Variants in DNAJB4 observed in about 807,000 individuals in gnomAD.
DNAJB4 encodes DnaJ heat shock protein family (Hsp40) member B4.
A neutral mutation model predicts 26.6 loss-of-function variants in DNAJB4; 10 were observed. The observed-to-expected ratio is 0.38, with a 90% CI of 0.23 to 0.64. The LOEUF is 0.64. Ranked by LOEUF, DNAJB4 falls within the 30% of genes least tolerant of loss-of-function variation. The probability of loss-of-function intolerance (pLI) is 0.58; values close to 1 mark genes in which losing one functional copy is unlikely to be tolerated. For missense variants in DNAJB4, 328 were observed against 408.2 expected (o/e 0.80, Z 1.69); for synonymous variants, 136 against 134.8 (o/e 1.01, Z -0.06).
upstream of DNAJB4, among the ~76,000 whole-genome samples, chr1:78,000,657 G>A (rs2102601042): frequency 6.6e-6 from 1 of 152,252 alleles, no homozygotes; most frequent in Non-Finnish European, 1.5e-5. Context: ...AATTATTGGG[G>A]AATGGAGGTC....
chr1:78,001,670 G>C (rs1660197978), upstream of DNAJB4, among the ~76,000 whole-genome samples: 2 of 152,130 alleles, frequency 1.3e-5, no homozygotes, highest in African/African-American at 4.8e-5. Context: ...TGGTTAAAAT[G>C]CTATCTTAAT....
At chr1:77,993,024 T>C (rs1232797366) in intron 1 of DNAJB4, among the ~76,000 whole-genome samples, 2 of 152,146 alleles carry the variant, frequency 1.3e-5, no homozygotes, top group African/African-American at 4.8e-5. Context: ...GCGCCCGGCC[T>C]ATTTCTGAGT....
At chr1:78,009,049 T>G (rs116244564) in intron 1 of DNAJB4, among the ~76,000 whole-genome samples, 2,522 of 152,264 alleles carry the variant, frequency 0.017, 21 homozygotes, top group Non-Finnish European at 0.027. Flanking sequence ...AAACTTGTAT[T>G]TATTAATCTT....
At chr1:78,001,719 G>A (rs191171890), upstream of DNAJB4, among the ~76,000 whole-genome samples, 82 of 152,248 alleles carry the variant, frequency 5.4e-4, no homozygotes, top group Non-Finnish European at 7.9e-4. Flanking sequence ...GTAGAGATAA[G>A]GTCTCATTAT....
At chr1:78,011,183 G>A (rs1472471129) in intron 1 of DNAJB4, among the ~76,000 whole-genome samples, 1 of 152,074 alleles carries the variant, frequency 6.6e-6, no homozygotes, top group East Asian at 1.9e-4. Flanking sequence ...ATCTTTTGTG[G>A]GTTAAATATT....
chr1:77,998,919 A>AT (rs980130845), intron 1 of DNAJB4, among the ~76,000 whole-genome samples: 1 of 152,056 alleles, frequency 6.6e-6, no homozygotes, highest in Non-Finnish European at 1.5e-5. Flanking sequence ...AAATTTCCCT[A>AT]TTTTTCCCCT....
At chr1:78,004,620 A>G (rs559967271), upstream of DNAJB4, 1 of 154,042 alleles carries the variant, frequency 6.5e-6, no homozygotes, top group East Asian at 1.9e-4. Context: ...AGGGTGTTTA[A>G]TGACTGTGAT....
chr1:77,990,929 T>C (rs1210291119), intron 1 of DNAJB4, among the ~76,000 whole-genome samples: 1 of 152,172 alleles, frequency 6.6e-6, no homozygotes, highest in Non-Finnish European at 1.5e-5. Context: ...GTTCTAGAAA[T>C]AAAACAGGAC....
chr1:77,987,133 C>T (rs1659810003), intron 1 of DNAJB4, among the ~76,000 whole-genome samples: 1 of 152,188 alleles, frequency 6.6e-6, no homozygotes, highest in African/African-American at 2.4e-5. Context: ...GGAGAGGCCC[C>T]ACTTTCCTAG....
At chr1:77,986,359 G>A (rs1039943981) in intron 1 of DNAJB4, among the ~76,000 whole-genome samples, 2 of 152,144 alleles carry the variant, frequency 1.3e-5, no homozygotes, top group Non-Finnish European at 2.9e-5. Flanking sequence ...TCTTCATCCA[G>A]ACAACTCAAA....
intron 1 of DNAJB4, among the ~76,000 whole-genome samples, chr1:77,982,904 T>C (rs1451810912): frequency 2.0e-5 from 3 of 152,162 alleles, no homozygotes; most frequent in Non-Finnish European, 2.9e-5. Flanking sequence ...AATGTAGGGG[T>C]GGGTTGCCCC....
chr1:78,002,812 C>T (rs908996789), upstream of DNAJB4, among the ~76,000 whole-genome samples: 1 of 152,066 alleles, frequency 6.6e-6, no homozygotes, highest in Non-Finnish European at 1.5e-5. Context: ...TTTACAATTA[C>T]GATTCTTATG....
intron 1 of DNAJB4, among the ~76,000 whole-genome samples, chr1:77,989,797 G>A (rs1659889843): frequency 6.6e-6 from 1 of 152,196 alleles, no homozygotes; most frequent in Non-Finnish European, 1.5e-5. Context: ...ATGCAACACT[G>A]TCAAGTTAGG....
chr1:78,009,077 G>A (rs1302408919), intron 1 of DNAJB4, among the ~76,000 whole-genome samples: 1 of 151,756 alleles, frequency 6.6e-6, no homozygotes, highest in African/African-American at 2.4e-5. Context: ...GTTCTCTTCT[G>A]TTCTTTAACT....
chr1:77,999,527 C>G (rs1660142035), intron 1 of DNAJB4, among the ~76,000 whole-genome samples: 1 of 151,824 alleles, frequency 6.6e-6, no homozygotes, highest in South Asian at 2.1e-4. Flanking sequence ...GGATGCCAGA[C>G]TCCTTTGGGG....
chr1:77,985,261 G>GT (rs1023033867), intron 1 of DNAJB4, among the ~76,000 whole-genome samples: 3 of 152,058 alleles, frequency 2.0e-5, no homozygotes, highest in East Asian at 3.9e-4. Context: ...CAATTTTGTT[G>GT]TTTTTTAGTG....
At chr1:77,998,105 G>A (rs914520024) in intron 1 of DNAJB4, among the ~76,000 whole-genome samples, 1 of 152,074 alleles carries the variant, frequency 6.6e-6, no homozygotes, top group Non-Finnish European at 1.5e-5. Context: ...CTCTTAAAAC[G>A]ATCTCATTTC....
chr1:78,005,804 G>A (rs1660316696), intron 1 of DNAJB4, among the ~76,000 whole-genome samples: 1 of 152,108 alleles, frequency 6.6e-6, no homozygotes, highest in Admixed American at 6.5e-5. Context: ...GTAGTTTTTT[G>A]CCTTTCTTAT....
chr1:77,981,339 G>A (rs1659639888), intron 1 of DNAJB4: 2 of 147,650 alleles, frequency 1.4e-5, no homozygotes, highest in African/African-American at 5.0e-5. Context: ...TTTTTTTTGA[G>A]ACGGACTCAC....
Sources: gnomAD v4.1 joint callset for allele counts (sites outside exome capture counted in the v4.1 genomes callset) on GRCh38, gnomAD v4.1.1 for gene constraint, MANE v1.5 for transcripts, NCBI Gene and HGNC (gene_info 2026-07-23, HGNC 2026-07-21) for gene names.